The following USP34 variants were observed in gnomAD, a reference collection of about 807,000 sequenced individuals.
The protein encoded by USP34 is ubiquitin carboxyl-terminal hydrolase 34.
In USP34, 70 loss-of-function variants were observed where a neutral mutation model predicts 460.3. The observed-to-expected ratio is 0.15, with a 90% confidence interval of 0.13 to 0.19. The LOEUF (loss-of-function observed/expected upper bound fraction) is 0.19, where lower values mean the gene tolerates loss of function less well. Among genes scored for constraint, USP34 ranks in the 10% least tolerant of loss-of-function variants. USP34 has a pLI of 1.00. For synonymous variants in USP34, 1,647 were observed against 1,405.3 expected, an observed-to-expected ratio of 1.17 and a Z score of -3.85; for missense variants, 3,985 against 4,236.2, an observed-to-expected ratio of 0.94 and a Z score of 1.65.
At position 61,371,596 on chromosome 2, in the gene USP34, T is replaced by TAGAGTAC. The variant is rs1004560844; in HGVS notation, c.1077-1018_1077-1017insGTACTCT. ...AAGTTTATAAAAGTAAATAAAAAGTTAGAGTAAGCTAAGGTTAATTTAATA... is the reference window on the plus strand; with the variant it reads ...AAGTTTATAAAAGTAAATAAAAAGTTAGAGTACAGAGTAAGCTAAGGTTAATTTAATA... On this transcript the variant is annotated intron_variant, in intron 8 of 79. Coordinates refer to ENST00000398571, the MANE Select transcript of USP34 (RefSeq NM_014709.4). Among the ~76,000 whole-genome samples, 207 of 150,496 alleles carry TAGAGTAC rather than the reference T, an allele frequency of 1.4e-3. 4 individuals carry two copies. Among genetic ancestry groups the TAGAGTAC allele is most frequent in the Admixed American group, 0.013 (203 of 15,222 alleles).
intron 3 of USP34, among the ~76,000 whole-genome samples, chr2:61,402,510 G>A (rs953465967): frequency 6.6e-6 from 1 of 152,134 alleles, no homozygotes; most frequent in African/African-American, 2.4e-5. Context: ...CGGATTCTAG[G>A]ACTCTTCTCA....
In USP34 at chr2:61,206,764, T is replaced by C. The variant is rs1687132311; in HGVS notation, c.9042A>G (p.Arg3014=). The C allele has an allele frequency of 1.2e-6, 2 of 1,613,166 alleles. No individual in the cohort carries two copies. The highest frequency in any genetic ancestry group is 4.5e-5 in the East Asian group (2 of 44,872). Residue 3014 remains arginine (R), a synonymous_variant, in exon 71 of 80, where the codon AGA becomes AGG. Transcript: ENST00000398571. ...VLKSTRPYLQ[R]KDVKQALIQW... The stretch of plus-strand genomic sequence containing the variant: ...AAGAAGTAGGAATGAGCAAACCTTT[T>C]CTCTGAAGATAAGGGCGTGTAGACT...
At chr2:61,410,595 C>T (rs1158249630) in intron 2 of USP34, among the ~76,000 whole-genome samples, 3 of 152,112 alleles carry the variant, frequency 2.0e-5, no homozygotes, top group African/African-American at 7.3e-5. Context: ...ATATCACTTT[C>T]AGTCAAAACC....
At chr2:61,433,452 G>C (rs758327351) in intron 1 of USP34, among the ~76,000 whole-genome samples, 28 of 152,046 alleles carry the variant, frequency 1.8e-4, no homozygotes, top group Non-Finnish European at 3.2e-4. Flanking sequence ...TGGCCAAGAA[G>C]GTGAAACCCC....
In USP34 at chr2:61,188,889, ATAG is replaced by A. The variant is rs1302596076; in HGVS notation, c.10033+18_10033+20del. The A allele has an allele frequency of 3.1e-6, 5 of 1,613,458 alleles. No homozygotes were observed. Among genetic ancestry groups the A allele is most frequent in the Admixed American group, 1.7e-5 (1 of 59,930 alleles). On this transcript the variant is annotated intron_variant, in intron 79 of 79. Transcript: ENST00000398571. ...CCCTCCTCCCACCCTAAAGGTAATGATAGTAGTCCATAAAGCTAACCTTTAGTT... is the reference window on the plus strand; with the variant it reads ...CCCTCCTCCCACCCTAAAGGTAATGATAGTCCATAAAGCTAACCTTTAGTT...
At chr2:61,234,895 C>T (rs1688019739) in intron 57 of USP34, among the ~76,000 whole-genome samples, 1 of 152,212 alleles carries the variant, frequency 6.6e-6, no homozygotes, top group Admixed American at 6.5e-5. Context: ...CTCAGCCTCC[C>T]AAAGTGCTGG....
intron 57 of USP34, among the ~76,000 whole-genome samples, chr2:61,233,767 T>C (rs761156610): frequency 6.6e-6 from 1 of 151,838 alleles, no homozygotes; most frequent in African/African-American, 2.4e-5. Flanking sequence ...CCCAGGATTT[T>C]GAGGTTGCAG....
chr2:61,455,654 C>G (rs1695416289), intron 1 of USP34, among the ~76,000 whole-genome samples: 1 of 152,144 alleles, frequency 6.6e-6, no homozygotes, highest in African/African-American at 2.4e-5. Context: ...TAAATTATAT[C>G]AAGTCCACAA....
rs1301055225 is a variant in USP34, at chr2:61,370,367, C to T, written c.1205G>A (p.Gly402Glu). The T allele has an allele frequency of 2.5e-6, 4 of 1,613,936 alleles. No homozygotes were observed. In the Admixed American group the frequency reaches 5.0e-5, roughly 20 times the overall value. The change falls in exon 10 of 80, where the codon GGG becomes GAG. Residue 402 changes from glycine to glutamate, a missense_variant. Physicochemically the swap from Gly to Glu is moderately conservative, Grantham distance 98. Around this residue, in one of 14 missense-constraint regions of USP34, gnomAD observed 716 missense variants for 626.2 expected, o/e 1.14. Coordinates refer to ENST00000398571, the MANE Select transcript of USP34 (RefSeq NM_014709.4). Reference protein sequence around the residue: ...QVILNFLAAEGRLSTQHIDCI... With the variant: ...QVILNFLAAEERLSTQHIDCI... ...GTCAATATGTTGAGTACTCAGTCGC[C>T]CTTCTGCTGCCAAAAAATTCAAAAT...
At chr2:61,413,458 G>A (rs372343434) in intron 2 of USP34, among the ~76,000 whole-genome samples, 2 of 149,296 alleles carry the variant, frequency 1.3e-5, no homozygotes, top group Non-Finnish European at 3.0e-5. Context: ...TGTAATCCTA[G>A]CACTTTGGGA....
rs980514074 is a variant in USP34 at position 61,187,463 on chromosome 2, TGA to T, written c.*637_*638del. The stretch of plus-strand genomic sequence containing the variant: ...GACTGAAGCAACGTATGTAAACAAA[TGA>T]AAAGTCATCACAATCAGTTTAATTA... On this transcript the variant is annotated 3_prime_UTR_variant, in exon 80 of 80. Transcript: ENST00000398571. 1.0e-6 allele frequency: 1 copy of T among 985,844 alleles called. No individual in the cohort carries two copies. The highest frequency in any genetic ancestry group is 6.2e-5 in the Admixed American group (1 of 16,254). 61.1% of individuals were successfully genotyped at this position (985,844 alleles called of 1,614,324 possible).
chr2:61,281,014 G>A, intron 38 of USP34, 76 bp downstream of exon 38: 1 of 1,461,546 alleles, frequency 6.8e-7, no homozygotes, highest in African/African-American at 1.4e-5. Flanking sequence ...AAATTTTAAG[G>A]ATATATTACA....
intron 41 of USP34, among the ~76,000 whole-genome samples, chr2:61,276,043 GAACA>G: frequency 6.6e-6 from 1 of 152,218 alleles, no homozygotes; most frequent in East Asian, 1.9e-4. Context: ...TATACTGACT[GAACA>G]AATAAATATC....
intron 53 of USP34, among the ~76,000 whole-genome samples, chr2:61,241,162 G>T (rs1688245169): frequency 6.6e-6 from 1 of 152,040 alleles, no homozygotes; most frequent in African/African-American, 2.4e-5. Context: ...CTCTGCCTCA[G>T]CCTCCCAAGC....
intron 5 of USP34, among the ~76,000 whole-genome samples, chr2:61,392,231 C>G (rs571324557): frequency 1.3e-5 from 2 of 152,256 alleles, no homozygotes; most frequent in African/African-American, 4.8e-5. Context: ...ACTTGGGAGG[C>G]TGACATGGGA....
At chr2:61,468,249 A>G (rs948486660) in intron 1 of USP34, among the ~76,000 whole-genome samples, 1 of 152,122 alleles carries the variant, frequency 6.6e-6, no homozygotes, top group Non-Finnish European at 1.5e-5. Context: ...GCAATGGCAC[A>G]ATCTCGGCTC....
At chr2:61,376,575 C>G (rs146847973) in intron 8 of USP34, among the ~76,000 whole-genome samples, 481 of 152,262 alleles carry the variant, frequency 3.2e-3, no homozygotes, top group Non-Finnish European at 4.1e-3. Flanking sequence ...TCTCTTTAAG[C>G]GGTCTCGCGG....
intron 1 of USP34, among the ~76,000 whole-genome samples, chr2:61,466,674 G>A (rs1695772325): frequency 6.6e-6 from 1 of 152,120 alleles, no homozygotes; most frequent in Non-Finnish European, 1.5e-5. Flanking sequence ...CACTTTGGGA[G>A]GTACAGGCAG....
intron 27 of USP34, among the ~76,000 whole-genome samples, chr2:61,302,052 GT>G (rs1690243529): frequency 6.6e-6 from 1 of 152,156 alleles, no homozygotes; most frequent in Non-Finnish European, 1.5e-5. Context: ...AAGGGCAGAG[GT>G]GTTTTATTCA....
Sources: allele counts gnomAD v4.1 joint callset (sites outside exome capture counted in the v4.1 genomes callset), GRCh38; gene constraint gnomAD v4.1.1; regional missense constraint gnomAD v4.1.1; transcripts MANE v1.5; gene names NCBI Gene and HGNC (gene_info 2026-07-23, HGNC 2026-07-21).